EIF4G3: variants seen among roughly 807,000 people sequenced by gnomAD.
EIF4G3 encodes eIF-4-gamma 3.
EIF4G3 carries 34 observed loss-of-function variants against 186.4 expected under a neutral mutation model. The ratio of observed to expected loss-of-function variants is 0.18; its 90% CI spans 0.14 to 0.24. EIF4G3 has a LOEUF of 0.24. Ranked by LOEUF, EIF4G3 falls within the 10% of genes least tolerant of loss-of-function variation. The pLI is 1.00. For missense variants in EIF4G3, 1,536 were observed against 1,948.5 expected, an observed-to-expected ratio of 0.79 and a Z score of 3.99; for synonymous variants, 673 against 679.5, an observed-to-expected ratio of 0.99 and a Z score of 0.15.
chr1:21,155,616 A>T lies in EIF4G3; in HGVS notation c.-272+20559T>A, dbSNP rs1460210518. Among the ~76,000 whole-genome samples, 3 of 152,020 alleles carry T rather than the reference A, an allele frequency of 2.0e-5. No individual in the cohort carries two copies. In the South Asian group the frequency reaches 6.2e-4, roughly 31 times the overall value. ...GAGGCTAATGCGGGAGAATTGCTTG[A>T]GCCCAGGAGTTGGGAGTTTGCAGTG... On this transcript the variant is annotated intron_variant, in intron 2 of 36. Coordinates refer to ENST00000602326, the MANE Select transcript of EIF4G3 (RefSeq NM_001391906.1).
At chr1:20,954,416 A>G (rs1417875844) in intron 12 of EIF4G3, among the ~76,000 whole-genome samples, 1 of 151,394 alleles carries the variant, frequency 6.6e-6, no homozygotes, top group African/African-American at 2.4e-5. Context: ...GGCACCTATA[A>G]TCTCAGCTAC....
At chr1:21,090,950 A>G (rs541405424) in intron 2 of EIF4G3, among the ~76,000 whole-genome samples, 129 of 152,320 alleles carry the variant, frequency 8.5e-4, no homozygotes, top group Middle Eastern at 6.8e-3. Context: ...CAAGATGTCA[A>G]TGTCAATTTA....
At chr1:20,975,371 A>T (rs2076642135) in intron 10 of EIF4G3, among the ~76,000 whole-genome samples, 1 of 151,170 alleles carries the variant, frequency 6.6e-6, no homozygotes, top group Non-Finnish European at 1.5e-5. Context: ...GTGATCTCTT[A>T]AAAAAAACAA....
At chr1:21,065,452 T>TAGG (rs2095191766) in intron 3 of EIF4G3, among the ~76,000 whole-genome samples, 1 of 149,568 alleles carries the variant, frequency 6.7e-6, no homozygotes, top group East Asian at 2.0e-4. Context: ...GTCCTAGCTC[T>TAGG]AGGGAGGCTG....
At chr1:21,018,106 TA>T (rs77494925) in intron 4 of EIF4G3, among the ~76,000 whole-genome samples, 324 of 141,040 alleles carry the variant, frequency 2.3e-3, no homozygotes, top group Non-Finnish European at 2.2e-3. Context: ...GCCCAGTAAT[TA>T]AAAAAAAAAA....
At chr1:20,938,167 G>A (rs921809110) in intron 14 of EIF4G3, among the ~76,000 whole-genome samples, 5 of 151,950 alleles carry the variant, frequency 3.3e-5, no homozygotes, top group Non-Finnish European at 5.9e-5. Flanking sequence ...GGTAATTTTT[G>A]TATTTTTAGT....
intron 4 of EIF4G3, among the ~76,000 whole-genome samples, chr1:21,028,986 G>A (rs1557606950): frequency 6.6e-6 from 1 of 152,098 alleles, no homozygotes; most frequent in Admixed American, 6.5e-5. Flanking sequence ...TGCCGCAAGT[G>A]AATCTCCAGC....
chr1:20,954,415 A>T (rs1186608047), intron 12 of EIF4G3, among the ~76,000 whole-genome samples: 1 of 151,648 alleles, frequency 6.6e-6, no homozygotes, highest in Non-Finnish European at 1.5e-5. Flanking sequence ...AGGCACCTAT[A>T]ATCTCAGCTA....
In EIF4G3 at chr1:20,807,003, C is replaced by CTT. The variant is rs200324002; in HGVS notation, c.*314_*315dup. 2.7e-4 allele frequency: 43 copies of CTT among 157,652 alleles called. No homozygotes were observed. Among genetic ancestry groups the CTT allele is most frequent in the East Asian group, 5.1e-4 (3 of 5,940 alleles). 9.8% of individuals were successfully genotyped at this position (157,652 alleles called of 1,614,324 possible). A position where few individuals can be genotyped will look rare whatever the true frequency, so the allele number is the denominator to read the frequency against. On this transcript the variant is annotated 3_prime_UTR_variant, in exon 37 of 37. Transcript: ENST00000602326. ...CTTAAAATAAATTAAAAGTTCTCAA[C>CTT]TTTTTTTTTTTTTGCTAAACATTTT... is the stretch of plus-strand genomic sequence containing the variant.
At chr1:21,129,297 A>G (rs2097108298) in intron 2 of EIF4G3, among the ~76,000 whole-genome samples, 1 of 150,598 alleles carries the variant, frequency 6.6e-6, no homozygotes. Context: ...CCTGGGCAAC[A>G]AGAGCGAAAC....
At chr1:21,060,455 G>C (rs1557763699) in intron 3 of EIF4G3, among the ~76,000 whole-genome samples, 1 of 152,218 alleles carries the variant, frequency 6.6e-6, no homozygotes, top group Non-Finnish European at 1.5e-5. Flanking sequence ...TTAAGTCCTT[G>C]TTGGCATGGT....
At chr1:20,957,835 T>C (rs2096473573) in intron 12 of EIF4G3, among the ~76,000 whole-genome samples, 1 of 152,036 alleles carries the variant, frequency 6.6e-6, no homozygotes, top group Non-Finnish European at 1.5e-5. Flanking sequence ...ACCACCCTCC[T>C]ACATTAAATC....
chr1:20,996,350 A>G (rs2082283913), intron 7 of EIF4G3, among the ~76,000 whole-genome samples: 1 of 152,150 alleles, frequency 6.6e-6, no homozygotes, highest in African/African-American at 2.4e-5. Flanking sequence ...TAAAGTATTA[A>G]TACTTTACAA....
At chr1:20,942,796 T>G (rs999713817) in intron 13 of EIF4G3, among the ~76,000 whole-genome samples, 1 of 152,182 alleles carries the variant, frequency 6.6e-6, no homozygotes, top group Non-Finnish European at 1.5e-5. Context: ...TATTTTTTAT[T>G]CTATATATTT....
intron 13 of EIF4G3, among the ~76,000 whole-genome samples, chr1:20,948,587 T>C (rs2096069611): frequency 6.6e-6 from 1 of 152,192 alleles, no homozygotes; most frequent in East Asian, 1.9e-4. Context: ...TAAAAATCAA[T>C]GAAATCATGT....
chr1:20,883,106 T>C (rs1458294173), intron 19 of EIF4G3, among the ~76,000 whole-genome samples: 1 of 151,902 alleles, frequency 6.6e-6, no homozygotes, highest in Non-Finnish European at 1.5e-5. Context: ...CATTTCGCTA[T>C]AACTAAATAT....
chr1:21,089,214 C>A lies in EIF4G3; in HGVS notation c.-271-1G>T. 2 of 717,160 alleles carry A rather than the reference C, an allele frequency of 2.8e-6. No homozygotes were observed. Among genetic ancestry groups the A allele is most frequent in the South Asian group, 3.0e-5 (2 of 67,534 alleles). The allele number at this position is 717,160 out of a possible 1,614,324, so 44.4% of individuals were successfully genotyped here. ...TTGTTGCACAGGTCCTCTAGGAATT[C>A]TAGAAGAGCGAGTTAAGGATAAGAG... On this transcript the variant is annotated splice_acceptor_variant, in intron 2 of 36. Transcript: ENST00000602326. LOFTEE classifies it low-confidence loss of function (5UTR_SPLICE).
chr1:21,088,339 G>T (rs1262613427), intron 3 of EIF4G3, among the ~76,000 whole-genome samples: 1 of 152,016 alleles, frequency 6.6e-6, no homozygotes, highest in African/African-American at 2.4e-5. Context: ...AGAATCACTT[G>T]AACTGGGAAG....
chr1:20,993,167 GGAA>G (rs2081491479), intron 7 of EIF4G3, among the ~76,000 whole-genome samples: 1 of 152,098 alleles, frequency 6.6e-6, no homozygotes, highest in African/African-American at 2.4e-5. Context: ...AGTAATATCA[GGAA>G]GAAGATGTGG....
Sources: gnomAD v4.1 joint callset for allele counts (sites outside exome capture counted in the v4.1 genomes callset) on GRCh38, gnomAD v4.1.1 for gene constraint, MANE v1.5 for transcripts, NCBI Gene and HGNC (gene_info 2026-07-23, HGNC 2026-07-21) for gene names.